MSRB3: variants seen among roughly 807,000 people sequenced by gnomAD.
MSRB3 encodes the protein methionine-R-sulfoxide reductase B3.
A neutral mutation model predicts 21.0 loss-of-function variants in MSRB3; 13 were observed. The observed-to-expected ratio is 0.62, with a 90% CI of 0.40 to 0.98. MSRB3 has a LOEUF of 0.98. Ranked by LOEUF, MSRB3 falls within the 50% of genes least tolerant of loss-of-function variation. MSRB3 has a pLI of 0.00. For missense variants in MSRB3, 199 were observed against 230.3 expected (o/e 0.86, Z 0.88); for synonymous variants, 87 against 88.6 (o/e 0.98, Z 0.10).
intron 4 of MSRB3, among the ~76,000 whole-genome samples, chr12:65,332,539 G>A (rs1200676406): frequency 1.3e-5 from 2 of 152,088 alleles, no homozygotes; most frequent in Non-Finnish European, 2.9e-5. Context: ...TAATGTAAAT[G>A]ACAAGTTAAT....
intron 5 of MSRB3, among the ~76,000 whole-genome samples, chr12:65,396,704 A>AAAAG (rs752672139): frequency 0.13 from 6,782 of 53,326 alleles, 249 homozygotes; most frequent in East Asian, 0.16. Flanking sequence ...AAAAAAAAAA[A>AAAAG]AAAGAAAGAA....
intron 5 of MSRB3, among the ~76,000 whole-genome samples, chr12:65,391,585 A>T (rs1565869656): frequency 6.6e-6 from 1 of 152,204 alleles, no homozygotes; most frequent in Non-Finnish European, 1.5e-5. Context: ...CATATCAAAT[A>T]ATGGCCAGTA....
intron 5 of MSRB3, among the ~76,000 whole-genome samples, chr12:65,411,011 A>G (rs948653848): frequency 1.9e-4 from 28 of 151,164 alleles, no homozygotes; most frequent in African/African-American, 6.1e-4. Flanking sequence ...ATATAATCTT[A>G]TTCTCATTTT....
chr12:65,346,684 G>A (rs539256819), intron 4 of MSRB3, among the ~76,000 whole-genome samples: 2 of 152,244 alleles, frequency 1.3e-5, no homozygotes, highest in African/African-American at 4.8e-5. Flanking sequence ...GAATGGTATT[G>A]CCTAGATTTT....
At chr12:65,405,230 G>T (rs1189804573) in intron 5 of MSRB3, among the ~76,000 whole-genome samples, 1 of 152,054 alleles carries the variant, frequency 6.6e-6, no homozygotes, top group Non-Finnish European at 1.5e-5. Flanking sequence ...GGGATTACAG[G>T]CATGAGCCAC....
At chr12:65,444,939 A>G (rs1470432467) in intron 5 of MSRB3, among the ~76,000 whole-genome samples, 1 of 152,054 alleles carries the variant, frequency 6.6e-6, no homozygotes, top group African/African-American at 2.4e-5. Flanking sequence ...CATCCCTCCT[A>G]CATATCCTTA....
At chr12:65,461,732 CCT>C (rs1396829485) in intron 6 of MSRB3, among the ~76,000 whole-genome samples, 2 of 152,148 alleles carry the variant, frequency 1.3e-5, no homozygotes, top group Non-Finnish European at 2.9e-5. Context: ...CATACTCTTT[CCT>C]TGAAACTTAT....
At chr12:65,430,801 C>T (rs1881840201) in intron 5 of MSRB3, among the ~76,000 whole-genome samples, 3 of 152,056 alleles carry the variant, frequency 2.0e-5, no homozygotes, top group African/African-American at 7.2e-5. Context: ...CCTAAGCTGA[C>T]CTGTTCTAGT....
intron 6 of MSRB3, among the ~76,000 whole-genome samples, chr12:65,460,443 T>C (rs1162897417): frequency 6.6e-6 from 1 of 152,234 alleles, no homozygotes; most frequent in Non-Finnish European, 1.5e-5. Context: ...TGGCACTGCG[T>C]GGTTAGGCTT....
chr12:65,280,678 T>A (rs1478282468), intron 1 of MSRB3, among the ~76,000 whole-genome samples: 1 of 152,238 alleles, frequency 6.6e-6, no homozygotes, highest in Non-Finnish European at 1.5e-5. Flanking sequence ...AGTAGCTCTT[T>A]GCTACTTATC....
intron 5 of MSRB3, among the ~76,000 whole-genome samples, chr12:65,410,015 A>G (rs1025561952): frequency 2.6e-5 from 4 of 152,010 alleles, no homozygotes; most frequent in Non-Finnish European, 2.9e-5. Flanking sequence ...TCAATATTGA[A>G]TATTTTCATT....
At chr12:65,456,860 G>A (rs1237221265) in intron 6 of MSRB3, among the ~76,000 whole-genome samples, 1 of 152,146 alleles carries the variant, frequency 6.6e-6, no homozygotes, top group Non-Finnish European at 1.5e-5. Context: ...GATGGAGGAG[G>A]GGGTGTCTGC....
At chr12:65,405,422 CAT>C (rs141249614) in intron 5 of MSRB3, among the ~76,000 whole-genome samples, 10 of 149,818 alleles carry the variant, frequency 6.7e-5, no homozygotes, top group Admixed American at 1.3e-4. Context: ...AGTATTCTAT[CAT>C]ATATATATAT....
chr12:65,445,379 G>T (rs75880020), intron 5 of MSRB3, among the ~76,000 whole-genome samples: 1 of 149,708 alleles, frequency 6.7e-6, no homozygotes, highest in East Asian at 2.0e-4. Flanking sequence ...ATGTTACTAG[G>T]CTGCTTAAAA....
intron 1 of MSRB3, chr12:65,305,298 C>T (rs1395917272): frequency 6.6e-6 from 1 of 152,130 alleles, no homozygotes; most frequent in Non-Finnish European, 1.5e-5. Flanking sequence ...CTCAAGTAAT[C>T]TGCCCACCTC....
chr12:65,396,695 AAAAAAAAAAAAAGAAAGAAAG>A lies in MSRB3; in HGVS notation c.292+27673_292+27693del, dbSNP rs1275972568. Among the ~76,000 whole-genome samples, 79 of 66,090 alleles carry A rather than the reference AAAAAAAAAAAAAGAAAGAAAG, an allele frequency of 1.2e-3. 3 individuals are homozygous for A. The highest frequency in any genetic ancestry group is 8.2e-3 in the Middle Eastern group (1 of 122). The allele number at this position is 66,090 out of a possible 152,430, so 43.4% of individuals were successfully genotyped here. On this transcript the variant is annotated intron_variant, in intron 5 of 6. Transcript: ENST00000308259. ...GACAAGAGTGAAACTCCATCTCAAAAAAAAAAAAAAAAGAAAGAAAGAAAGAAAGAAAGAAAGAAAGAAAGA... is the reference window on the plus strand; with the variant it reads ...GACAAGAGTGAAACTCCATCTCAAAAAAAGAAAGAAAGAAAGAAAGAAAGA...
chr12:65,466,801 C>T lies in MSRB3; in HGVS notation c.*3479C>T, dbSNP rs1044406310. On this transcript the variant is annotated 3_prime_UTR_variant, in exon 7 of 7. Transcript: ENST00000308259. ...TAGATAGCTTTGTAATAATTTTTCT[C>T]CAGACAGTTCAACACTTTTGAAAAA... 7 of 152,120 alleles carry T rather than the reference C, an allele frequency of 4.6e-5. No individual in the cohort carries two copies. Among genetic ancestry groups the T allele is most frequent in the Admixed American group, 4.6e-4 (7 of 15,270 alleles). 9.4% of individuals were successfully genotyped at this position (152,120 alleles called of 1,614,324 possible).
chr12:65,382,804 A>C lies in MSRB3; in HGVS notation c.292+13778A>C, dbSNP rs554549500. Among the ~76,000 whole-genome samples the C allele has an allele frequency of 8.6e-5, 13 of 151,962 alleles. No homozygotes were observed. In the East Asian group the frequency reaches 2.1e-3, roughly 25 times the overall value. ...AGAATACTACATATCTAGAACTTAG[A>C]ATTGCCTATAATTTCCAGCATATAT... On this transcript the variant is annotated intron_variant, in intron 5 of 6. Coordinates refer to ENST00000308259, the MANE Select transcript of MSRB3 (RefSeq NM_001031679.3).
At chr12:65,395,063 G>GA (rs2136587281) in intron 5 of MSRB3, among the ~76,000 whole-genome samples, 1 of 151,358 alleles carries the variant, frequency 6.6e-6, no homozygotes, top group Admixed American at 6.6e-5. Flanking sequence ...GGCCAAAAAA[G>GA]AAAAAAGAAA....
Sources: allele counts gnomAD v4.1 joint callset (sites outside exome capture counted in the v4.1 genomes callset), GRCh38; gene constraint gnomAD v4.1.1; transcripts MANE v1.5; gene names NCBI Gene and HGNC (gene_info 2026-07-23, HGNC 2026-07-21).